Variants in GABBR2 observed in about 807,000 individuals in gnomAD.
The protein encoded by GABBR2 is gamma-aminobutyric acid type B receptor subunit 2.
GABBR2 carries 23 observed loss-of-function variants against 105.6 expected under a neutral mutation model. The ratio of observed to expected loss-of-function variants is 0.22; its 90% CI spans 0.16 to 0.31. The LOEUF (loss-of-function observed/expected upper bound fraction) is 0.31. GABBR2 is among the 10% of genes least tolerant of loss of function. GABBR2 has a pLI of 1.00. For synonymous variants in GABBR2, 478 were observed against 499.7 expected, an observed-to-expected ratio of 0.96 and a Z score of 0.58; for missense variants, 734 against 1,245.5, an observed-to-expected ratio of 0.59 and a Z score of 6.18.
intron 13 of GABBR2, among the ~76,000 whole-genome samples, chr9:98,348,726 T>C (rs533893519): frequency 6.6e-6 from 1 of 152,348 alleles, no homozygotes; most frequent in Non-Finnish European, 1.5e-5. Flanking sequence ...TCAGCTAATT[T>C]GTTATTGGTG....
At chr9:98,570,445 G>A (rs977868737) in intron 2 of GABBR2, among the ~76,000 whole-genome samples, 1 of 152,210 alleles carries the variant, frequency 6.6e-6, no homozygotes, top group African/African-American at 2.4e-5. Flanking sequence ...GATGATTTCT[G>A]TCTGCAAGCT....
chr9:98,664,640 AT>A (rs1425903751), intron 1 of GABBR2, among the ~76,000 whole-genome samples: 1 of 152,176 alleles, frequency 6.6e-6, no homozygotes, highest in African/African-American at 2.4e-5. Context: ...AGGACACCAT[AT>A]TGGTCTTTTA....
intron 13 of GABBR2, among the ~76,000 whole-genome samples, chr9:98,325,278 C>T (rs1047563810): frequency 1.4e-5 from 2 of 138,690 alleles, no homozygotes; most frequent in African/African-American, 5.4e-5. Flanking sequence ...TCTAGGACAG[C>T]AATTCTTTTT....
intron 1 of GABBR2, among the ~76,000 whole-genome samples, chr9:98,708,148 A>T (rs1350382606): frequency 6.6e-6 from 1 of 151,898 alleles, no homozygotes; most frequent in African/African-American, 2.4e-5. Flanking sequence ...GTCAAAAGAG[A>T]CCCCAGTCTT....
chr9:98,639,506 G>A (rs1287811205), intron 1 of GABBR2, among the ~76,000 whole-genome samples: 5 of 151,502 alleles, frequency 3.3e-5, no homozygotes, highest in East Asian at 1.9e-4. Context: ...ACCTTGCAGC[G>A]ACACACTTTT....
At chr9:98,585,872 G>A (rs936467798) in intron 1 of GABBR2, among the ~76,000 whole-genome samples, 1 of 85,890 alleles carries the variant, frequency 1.2e-5, no homozygotes, top group Non-Finnish European at 2.7e-5. Flanking sequence ...GATTTGGGAT[G>A]TTCAGTCTTT....
chr9:98,625,090 G>A (rs1264728210), intron 1 of GABBR2, among the ~76,000 whole-genome samples: 1 of 152,212 alleles, frequency 6.6e-6, no homozygotes, highest in African/African-American at 2.4e-5. Context: ...CTGGGAACCT[G>A]GAACCAGAGC....
intron 13 of GABBR2, among the ~76,000 whole-genome samples, chr9:98,346,534 C>T (rs1407143558): frequency 1.3e-5 from 2 of 152,188 alleles, no homozygotes; most frequent in Non-Finnish European, 2.9e-5. Flanking sequence ...GCATAATTAG[C>T]ATTCCTATCA....
intron 7 of GABBR2, among the ~76,000 whole-genome samples, chr9:98,435,560 C>T (rs1311223042): frequency 6.6e-6 from 1 of 152,172 alleles, no homozygotes; most frequent in South Asian, 2.1e-4. Context: ...GAGGGAGCTT[C>T]TTAAAAACAG....
intron 1 of GABBR2, among the ~76,000 whole-genome samples, chr9:98,698,909 T>C (rs186808): frequency 0.7 from 106,859 of 151,994 alleles, 38,835 homozygotes; most frequent in Middle Eastern, 0.84. Flanking sequence ...GTCCTGGCCA[T>C]AGAAGAATAA....
chr9:98,613,506 A>G (rs1357838084), intron 1 of GABBR2, among the ~76,000 whole-genome samples: 4 of 151,834 alleles, frequency 2.6e-5, no homozygotes, highest in African/African-American at 9.7e-5. Context: ...TGGCCTTGTG[A>G]CTTGATGTGG....
chr9:98,542,051 A>G lies in GABBR2; in HGVS notation c.460-8T>C, dbSNP rs2131740671. The G allele has an allele frequency of 4.3e-6, 7 of 1,613,478 alleles. No homozygotes were observed. The highest frequency in any genetic ancestry group is 2.2e-5 in the South Asian group (2 of 91,004). On this transcript the variant is annotated splice_region_variant and splice_polypyrimidine_tract_variant and intron_variant, in intron 2 of 18. Transcript: ENST00000259455. The stretch of plus-strand genomic sequence containing the variant: ...GGTTGCAGCAAAAGAAAGCTGAAAA[A>G]CACAAAAGAGACAACGCTTTTTACT...
chr9:98,343,539 A>G (rs1454861671), intron 13 of GABBR2, among the ~76,000 whole-genome samples: 1 of 152,156 alleles, frequency 6.6e-6, no homozygotes, highest in Non-Finnish European at 1.5e-5. Context: ...TTTTGGGGAA[A>G]ATTATCTCAA....
At chr9:98,706,100 C>CAAA (rs1261779483) in intron 1 of GABBR2, among the ~76,000 whole-genome samples, 4 of 31,264 alleles carry the variant, frequency 1.3e-4, no homozygotes, top group African/African-American at 3.8e-4. Flanking sequence ...CAAAACAAAA[C>CAAA]AAAAAAAACA....
At position 98,394,194 on chromosome 9, in the gene GABBR2, A is replaced by G. The variant is rs929007083; in HGVS notation, c.1359T>C (p.Asn453=). ...CCTTACCTTGGAACCTGATGGTGTCATTGATGATCTCCAGTGTGTCGGCCA... is the reference window on the plus strand; with the variant it reads ...CCTTACCTTGGAACCTGATGGTGTCGTTGATGATCTCCAGTGTGTCGGCCA... The part of the protein sequence containing the change: ...NAVADTLEII[N]DTIRFQGSEP... The change falls in exon 9 of 19, where the codon AAT becomes AAC. Residue 453 remains asparagine, a synonymous_variant. Coordinates refer to ENST00000259455, the MANE Select transcript of GABBR2 (RefSeq NM_005458.8). 1.2e-6 allele frequency: 2 copies of G among 1,613,520 alleles called. No homozygotes were observed. The highest frequency in any genetic ancestry group is 1.3e-5 in the African/African-American group (1 of 75,040).
chr9:98,518,829 C>G (rs888483615), intron 3 of GABBR2, among the ~76,000 whole-genome samples: 2 of 152,144 alleles, frequency 1.3e-5, no homozygotes, highest in Non-Finnish European at 2.9e-5. Context: ...GCCCATGGAG[C>G]CAGCCCCATC....
chr9:98,684,674 C>T (rs1307257655), intron 1 of GABBR2, among the ~76,000 whole-genome samples: 1 of 152,182 alleles, frequency 6.6e-6, no homozygotes, highest in African/African-American at 2.4e-5. Context: ...TGTATCTATC[C>T]TAAAACATCA....
At chr9:98,678,699 T>A (rs895138532) in intron 1 of GABBR2, among the ~76,000 whole-genome samples, 1 of 152,170 alleles carries the variant, frequency 6.6e-6, no homozygotes, top group African/African-American at 2.4e-5. Flanking sequence ...CACCTCCAAA[T>A]TTTCAGAGTG....
At chr9:98,648,080 G>GTGTGTGTGTGTGTGTGTGTGTGT (rs1830050203) in intron 1 of GABBR2, among the ~76,000 whole-genome samples, 1 of 67,976 alleles carries the variant, frequency 1.5e-5, no homozygotes, top group African/African-American at 6.4e-5. Context: ...AATCATACAG[G>GTGTGTGTGTGTGTGTGTGTGTGT]GTGTGTGTGT....
Sources: gnomAD v4.1 joint callset for allele counts (sites outside exome capture counted in the v4.1 genomes callset) on GRCh38, gnomAD v4.1.1 for gene constraint, MANE v1.5 for transcripts, NCBI Gene and HGNC (gene_info 2026-07-23, HGNC 2026-07-21) for gene names.